Variants in TRPS1 observed in about 807,000 individuals in gnomAD.
The protein encoded by TRPS1 is zinc finger transcription factor Trps1.
Under a neutral mutation model 101.2 loss-of-function variants are expected in TRPS1, and 6 were observed. That is an observed-to-expected ratio of 0.06 (90% CI 0.03 to 0.12). The LOEUF (loss-of-function observed/expected upper bound fraction) is 0.12, where lower values mean the gene tolerates loss of function less well. TRPS1 is among the 10% of genes least tolerant of loss of function. The pLI is 1.00. For synonymous variants in TRPS1, 578 were observed against 589.8 expected (o/e 0.98, Z 0.29); for missense variants, 1,363 against 1,567.0 (o/e 0.87, Z 2.20).
chr8:115,651,763 GT>G, intron 1 of TRPS1, among the ~76,000 whole-genome samples: 1 of 152,290 alleles, frequency 6.6e-6, no homozygotes, highest in East Asian at 1.9e-4. Context: ...AATCCCTGTA[GT>G]TAAGGTTGCG....
chr8:115,556,020 G>GA (rs1213509643), intron 5 of TRPS1, among the ~76,000 whole-genome samples: 1 of 151,472 alleles, frequency 6.6e-6, no homozygotes, highest in South Asian at 2.1e-4. Flanking sequence ...GACTTTGTCT[G>GA]AAAAAAAATA....
intron 2 of TRPS1, among the ~76,000 whole-genome samples, chr8:115,621,428 T>C (rs1360175550): frequency 6.6e-6 from 1 of 152,222 alleles, no homozygotes; most frequent in Non-Finnish European, 1.5e-5. Flanking sequence ...TTTTCATCTA[T>C]AATTTCTCAC....
At chr8:115,466,026 T>C (rs1814309426) in intron 5 of TRPS1, among the ~76,000 whole-genome samples, 2 of 152,196 alleles carry the variant, frequency 1.3e-5, no homozygotes, top group African/African-American at 4.8e-5. Context: ...ACTCTGCTTG[T>C]GCATTCAAAT....
intron 4 of TRPS1, among the ~76,000 whole-genome samples, chr8:115,593,762 T>C (rs1817729248): frequency 6.6e-6 from 1 of 152,160 alleles, no homozygotes. Flanking sequence ...CCTCTATTTC[T>C]CAAGACCCAA....
chr8:115,639,890 T>C (rs532569090), intron 1 of TRPS1, among the ~76,000 whole-genome samples: 11 of 152,306 alleles, frequency 7.2e-5, no homozygotes, highest in African/African-American at 2.6e-4. Context: ...CGCCTGCCTA[T>C]GTCACTTCAT....
Position 115,620,010 on chromosome 8 carries a change from C to T in TRPS1, c.88G>A (p.Glu30Lys), listed in dbSNP as rs371442998. 6.9e-5 allele frequency: 112 copies of T among 1,614,184 alleles called. 1 individual carries two copies. In the South Asian group the frequency reaches 9.9e-4, roughly 14 times the overall value. Residue 30 changes from glutamate (E) to lysine (K), a missense_variant, in exon 3 of 7, where the codon GAG becomes AAG. This residue lies in a region of TRPS1 where 1,020 missense variants were observed against 1,073.0 expected (regional missense o/e 0.95). Coordinates refer to ENST00000395715, the MANE Select transcript of TRPS1 (RefSeq NM_014112.5). ...CCTATAGGCTCCAGGATCTGGCCCT[C>T]GCCTTCACTTGCAACGTTTCTCAGA... ...PPLRNVASEG[E>K]GQILEPIGTE...
Position 115,526,385 on chromosome 8 carries a change from A to G in TRPS1, c.2700+60616T>C, listed in dbSNP as rs544562909. On this transcript the variant is annotated intron_variant, in intron 5 of 6. Coordinates refer to ENST00000395715, the MANE Select transcript of TRPS1 (RefSeq NM_014112.5). ...ATGCTGGTAATACTAGAATGGACTC[A>G]ACATGGGTCTAGTTTTCTAAAACCT... Among the ~76,000 whole-genome samples the G allele has an allele frequency of 2.0e-5, 3 of 152,300 alleles. No homozygotes were observed. The South Asian group carries it at 6.2e-4, about 32-fold the overall frequency.
intron 5 of TRPS1, among the ~76,000 whole-genome samples, chr8:115,448,676 G>GTATGTTCTA (rs1319025112): frequency 1.3e-5 from 2 of 152,140 alleles, no homozygotes; most frequent in African/African-American, 4.8e-5. Flanking sequence ...CTCATTTCAA[G>GTATGTTCTA]TATGTTCTAT....
intron 5 of TRPS1, among the ~76,000 whole-genome samples, chr8:115,471,777 G>T (rs1210620570): frequency 6.6e-6 from 1 of 152,124 alleles, no homozygotes; most frequent in Non-Finnish European, 1.5e-5. Context: ...GAAGAAATTG[G>T]CCAAAACAAA....
At chr8:115,635,090 A>C (rs941221193) in intron 1 of TRPS1, among the ~76,000 whole-genome samples, 2 of 152,202 alleles carry the variant, frequency 1.3e-5, no homozygotes, top group African/African-American at 2.4e-5. Context: ...AGTGCTAACC[A>C]GTTAAAAGAT....
At chr8:115,537,743 AAAACAAAAAATCCAGGCTTT>A (rs1191129933) in intron 5 of TRPS1, among the ~76,000 whole-genome samples, 1 of 152,222 alleles carries the variant, frequency 6.6e-6, no homozygotes, top group African/African-American at 2.4e-5. Context: ...TTATTTTTCA[AAAACAAAAAATCCAGGCTTT>A]GCAGGAACCT....
chr8:115,541,385 AGAACAG>A (rs1288183020), intron 5 of TRPS1, among the ~76,000 whole-genome samples: 2 of 152,204 alleles, frequency 1.3e-5, no homozygotes, highest in Admixed American at 1.3e-4. Flanking sequence ...CGAACGATAA[AGAACAG>A]GAAACTATAG....
chr8:115,476,603 A>G (rs975077260), intron 5 of TRPS1, among the ~76,000 whole-genome samples: 1 of 152,194 alleles, frequency 6.6e-6, no homozygotes, highest in African/African-American at 2.4e-5. Flanking sequence ...ATATTGTAAC[A>G]AACAAGTAAT....
chr8:115,587,665 A>C, intron 4 of TRPS1, 61 bp from the exon 5 acceptor site: 1 of 1,610,026 alleles, frequency 6.2e-7, no homozygotes, highest in Non-Finnish European at 8.5e-7. Flanking sequence ...TTTATTTTTA[A>C]TAGCCTTTAA....
intron 4 of TRPS1, among the ~76,000 whole-genome samples, chr8:115,598,353 C>T (rs764994813): frequency 3.3e-5 from 5 of 152,142 alleles, no homozygotes; most frequent in Non-Finnish European, 5.9e-5. Flanking sequence ...TAGTCTTTGT[C>T]GCCCAGGCCA....
intron 5 of TRPS1, among the ~76,000 whole-genome samples, chr8:115,555,457 G>T (rs1816795913): frequency 6.6e-6 from 1 of 151,712 alleles, no homozygotes; most frequent in African/African-American, 2.4e-5. Flanking sequence ...AATATGTTAT[G>T]AAACATTAAT....
At chr8:115,417,957 G>A (rs1187166479) in intron 6 of TRPS1, among the ~76,000 whole-genome samples, 1 of 152,012 alleles carries the variant, frequency 6.6e-6, no homozygotes, top group Non-Finnish European at 1.5e-5. Context: ...GAACATGACC[G>A]AGTCCTTTTT....
In TRPS1 at chr8:115,482,836, C is replaced by A. The variant is rs896018912; in HGVS notation, c.2701-64384G>T. ...GGGCATTTTAGATAAAAGAACCCCA[C>A]CTTAACTGAAACCAAAATGCACAGA... On this transcript the variant is annotated intron_variant, in intron 5 of 6. Coordinates refer to ENST00000395715, the MANE Select transcript of TRPS1 (RefSeq NM_014112.5). Among the ~76,000 whole-genome samples, 8 of 152,262 alleles carry A rather than the reference C, an allele frequency of 5.3e-5. No individual in the cohort carries two copies. The East Asian group carries it at 1.2e-3, about 22-fold the overall frequency.
chr8:115,465,212 T>G (rs1427053225), intron 5 of TRPS1, among the ~76,000 whole-genome samples: 1 of 152,094 alleles, frequency 6.6e-6, no homozygotes, highest in East Asian at 1.9e-4. Flanking sequence ...CTATTATAAT[T>G]GCTGTTTTGT....
Sources: allele counts gnomAD v4.1 joint callset (sites outside exome capture counted in the v4.1 genomes callset), GRCh38; gene constraint gnomAD v4.1.1; regional missense constraint gnomAD v4.1.1; transcripts MANE v1.5; gene names NCBI Gene and HGNC (gene_info 2026-07-23, HGNC 2026-07-21).